The following CALHM1 variants were observed in gnomAD, a reference collection of about 807,000 sequenced individuals.
CALHM1 encodes the protein calcium homeostasis modulator protein 1.
Under a neutral mutation model 14.8 loss-of-function variants are expected in CALHM1, and 11 were observed. The observed-to-expected ratio is 0.74, with a 90% CI of 0.47 to 1.23. The LOEUF is 1.23. Ranked by LOEUF, CALHM1 falls within the 50% of genes most tolerant of loss-of-function variation. The pLI, the probability that CALHM1 is intolerant of heterozygous loss-of-function variation, is 0.00. For synonymous variants in CALHM1, 215 were observed against 218.9 expected (o/e 0.98, Z 0.16); for missense variants, 458 against 496.4 (o/e 0.92, Z 0.74).
In CALHM1 at chr10:103,458,303, G is replaced by A; in HGVS notation, c.449C>T (p.Pro150Leu). Residue 150 changes from proline to leucine, a missense_variant, in exon 1 of 2, where the codon CCC becomes CTC. Physicochemically the swap from Pro to Leu is moderately conservative, Grantham distance 98. Coordinates refer to ENST00000329905, the MANE Select transcript of CALHM1 (RefSeq NM_001001412.4). This position sits in a 1 kb window ranked among gnomAD's most constrained non-coding sequence, Gnocchi z 4.9. Reference protein sequence around the residue: ...NGSLAPGLPAPELARLLARVP... With the variant: ...NGSLAPGLPALELARLLARVP... The stretch of plus-strand genomic sequence containing the variant: ...CCGGGCCAGCAGGCGGGCGAGCTCG[G>A]GGGCAGGAAGGCCGGGTGCCAGGCT... The A allele has an allele frequency of 6.2e-7, 1 of 1,611,578 alleles. No homozygotes were observed. The highest frequency in any genetic ancestry group is 8.5e-7 in the Non-Finnish European group (1 of 1,179,336).
chr10:103,455,085 A>C lies in CALHM1; in HGVS notation c.*177T>G, dbSNP rs1168187483. ...GGGCAGTGTCACACCTGAAGGCATC[A>C]GATCCCCTTCCAGCTCCAAATTTCC... is the stretch of plus-strand genomic sequence containing the variant. On this transcript the variant is annotated 3_prime_UTR_variant, in exon 2 of 2. Transcript: ENST00000329905. The C allele has an allele frequency of 2.2e-6, 2 of 916,426 alleles. No individual in the cohort carries two copies. The highest frequency in any genetic ancestry group is 6.7e-4 in the Middle Eastern group (2 of 2,998). The allele number at this position is 916,426 out of a possible 1,614,324, so 56.8% of individuals were successfully genotyped here. A position where few individuals can be genotyped will look rare whatever the true frequency, so the allele number is the denominator to read the frequency against.
At position 103,458,296 on chromosome 10, in the gene CALHM1, G is replaced by T. The variant is rs1051066742; in HGVS notation, c.456C>A (p.Leu152=). 1.9e-6 allele frequency: 3 copies of T among 1,611,878 alleles called. No homozygotes were observed. Among genetic ancestry groups the T allele is most frequent in the Non-Finnish European group, 2.5e-6 (3 of 1,179,520 alleles). ...AGGGCACCCGGGCCAGCAGGCGGGC[G>T]AGCTCGGGGGCAGGAAGGCCGGGTG... ...SLAPGLPAPE[L]ARLLARVPCP... The change falls in exon 1 of 2, where the codon CTC becomes CTA. Residue 152 remains leucine, a synonymous_variant. Coordinates refer to ENST00000329905, the MANE Select transcript of CALHM1 (RefSeq NM_001001412.4). The surrounding 1 kb of genome is among the most constrained non-coding windows in gnomAD (Gnocchi z 4.9).
rs2033171859 is a variant in CALHM1, at chr10:103,458,129, G to C, written c.555+68C>G. 2.8e-5 allele frequency: 44 copies of C among 1,553,846 alleles called. No homozygotes were observed. The South Asian group carries it at 4.2e-4, about 15-fold the overall frequency. On this transcript the variant is annotated intron_variant, in intron 1 of 1. Coordinates refer to ENST00000329905, the MANE Select transcript of CALHM1 (RefSeq NM_001001412.4). This position sits in a 1 kb window ranked among gnomAD's most constrained non-coding sequence, Gnocchi z 4.9. The stretch of plus-strand genomic sequence containing the variant: ...GAGGCCCCATTTTGAGAGGTAGGGG[G>C]ATAGGGCCCTCCCAGAGGGACCTTG...
rs2033173871 is a variant in CALHM1 at position 103,458,204 on chromosome 10, A to G, written c.548T>C (p.Ile183Thr). The G allele has an allele frequency of 1.2e-6, 2 of 1,612,592 alleles. No individual in the cohort carries two copies. The highest frequency in any genetic ancestry group is 2.7e-5 in the African/African-American group (2 of 75,034). ...AGCCATGCGGCCCCTCACCTGGGAG[A>G]TGCAGCGGAGGTAACGCACGGCCAC... is the stretch of plus-strand genomic sequence containing the variant. ...REVAVRYLRC[I>T]SQALGWSFVL... Residue 183 changes from isoleucine to threonine, a missense_variant, in exon 1 of 2, where the codon ATC becomes ACC. By Grantham distance (89) the Ile-to-Thr change is moderately conservative (BLOSUM62 -1). Coordinates refer to ENST00000329905, the MANE Select transcript of CALHM1 (RefSeq NM_001001412.4). This position sits in a 1 kb window ranked among gnomAD's most constrained non-coding sequence, Gnocchi z 4.9.
rs2033096725 is a variant in CALHM1 at position 103,453,581 on chromosome 10, A to G, written c.*1681T>C. 1 of 151,986 alleles carries G rather than the reference A, an allele frequency of 6.6e-6. No homozygotes were observed. The highest frequency in any genetic ancestry group is 2.1e-4 in the South Asian group (1 of 4,814). 9.4% of individuals were successfully genotyped at this position (151,986 alleles called of 1,614,324 possible). ...TGGCCAAGCAGGTCTTCTAATATCCATTTTATAGACAGACACACTGAGGCT... is the reference window on the plus strand; with the variant it reads ...TGGCCAAGCAGGTCTTCTAATATCCGTTTTATAGACAGACACACTGAGGCT... On this transcript the variant is annotated 3_prime_UTR_variant, in exon 2 of 2. Coordinates refer to ENST00000329905, the MANE Select transcript of CALHM1 (RefSeq NM_001001412.4).
chr10:103,455,224 C>A lies in CALHM1; in HGVS notation c.*38G>T. 6.5e-7 allele frequency: 1 copy of A among 1,529,652 alleles called. No individual in the cohort carries two copies. The highest frequency in any genetic ancestry group is 8.8e-7 in the Non-Finnish European group (1 of 1,136,854). The allele number at this position is 1,529,652 out of a possible 1,614,324, so 94.8% of individuals were successfully genotyped here. On this transcript the variant is annotated 3_prime_UTR_variant, in exon 2 of 2. Transcript: ENST00000329905. ...GTTTGGGGGTTGGAGGGGCTGTGGG[C>A]TCAGATCCCCGTTCCTGCCTCTTCA...
In CALHM1 at chr10:103,455,128, C is replaced by T. The variant is rs1179611378; in HGVS notation, c.*134G>A. On this transcript the variant is annotated 3_prime_UTR_variant, in exon 2 of 2. Transcript: ENST00000329905. ...AAATTTCCTGCCTCCAATGGGCAGG[C>T]GAGTGCTAGGGAGTGTGGATCTGCC... 1.2e-5 allele frequency: 16 copies of T among 1,305,092 alleles called. No homozygotes were observed. The highest frequency in any genetic ancestry group is 7.5e-5 in the African/African-American group (5 of 67,014). The allele number at this position is 1,305,092 out of a possible 1,614,324, so 80.8% of individuals were successfully genotyped here.
In CALHM1 at chr10:103,458,497, C is replaced by A. The variant is rs4918016; in HGVS notation, c.255G>T (p.Pro85=). 4 of 1,612,756 alleles carry A rather than the reference C, an allele frequency of 2.5e-6. No homozygotes were observed. Among genetic ancestry groups the A allele is most frequent in the Non-Finnish European group, 3.4e-6 (4 of 1,179,864 alleles). The change falls in exon 1 of 2, where the codon CCG becomes CCT. Residue 85 remains proline, a synonymous_variant. Transcript: ENST00000329905. The surrounding 1 kb of genome is among the most constrained non-coding windows in gnomAD (Gnocchi z 4.9). The part of the protein sequence containing the change: ...VSMLAEEWKR[P]LGRRAKDPAV... ...CGGGGTCCTTGGCCCGGCGGCCCAG[C>A]GGCCGCTTCCACTCTTCGGCCAGCA...
At chr10:103,456,068 G>C (rs112631111) in intron 1 of CALHM1, among the ~76,000 whole-genome samples, 2 of 152,222 alleles carry the variant, frequency 1.3e-5, no homozygotes, top group African/African-American at 4.8e-5. Context: ...CTATTTACTA[G>C]TTGACCAGGA....
At position 103,458,284 on chromosome 10, in the gene CALHM1, C is replaced by T. The variant is rs2033175826; in HGVS notation, c.468G>A (p.Leu156=). 1 of 1,612,356 alleles carries T rather than the reference C, an allele frequency of 6.2e-7. No homozygotes were observed. The highest frequency in any genetic ancestry group is 8.5e-7 in the Non-Finnish European group (1 of 1,179,724). ...AGATCTCAGGGCAGGGCACCCGGGC[C>T]AGCAGGCGGGCGAGCTCGGGGGCAG... ...GLPAPELARL[L]ARVPCPEIYD... The change falls in exon 1 of 2, where the codon CTG becomes CTA. Residue 156 remains leucine (L), a synonymous_variant. Coordinates refer to ENST00000329905, the MANE Select transcript of CALHM1 (RefSeq NM_001001412.4). The surrounding 1 kb of genome is among the most constrained non-coding windows in gnomAD (Gnocchi z 4.9).
At chr10:103,455,942 C>T (rs1275114052) in intron 1 of CALHM1, among the ~76,000 whole-genome samples, 195 bp from the exon 2 acceptor site, 2 of 152,234 alleles carry the variant, frequency 1.3e-5, no homozygotes, top group Non-Finnish European at 2.9e-5. Context: ...AGGTGCACCT[C>T]ATGGAAAGAA....
chr10:103,458,457 T>C lies in CALHM1; in HGVS notation c.295A>G (p.Met99Val), dbSNP rs1293748079. ...GCGCGCTGGGCCATGGAGCAGAACA[T>C]GTAGCGCAACACAGCGGGGTCCTTG... The part of the protein sequence containing the change: ...RAKDPAVLRY[M>V]FCSMAQRALI... Residue 99 changes from methionine (M) to valine (V), a missense_variant, in exon 1 of 2, where the codon ATG becomes GTG. Transcript: ENST00000329905. The surrounding 1 kb of genome is among the most constrained non-coding windows in gnomAD (Gnocchi z 4.9). 1.2e-6 allele frequency: 2 copies of C among 1,612,870 alleles called. No individual in the cohort carries two copies. The highest frequency in any genetic ancestry group is 2.2e-5 in the East Asian group (1 of 44,866).
Position 103,455,387 on chromosome 10 carries a change from A to G in CALHM1, c.916T>C (p.Trp306Arg). The change falls in exon 2 of 2, where the codon TGG becomes CGG. Residue 306 changes from tryptophan to arginine, a missense_variant. By Grantham distance (101) the Trp-to-Arg change is moderately radical. Transcript: ENST00000329905. ...CGCAGAGGCGGTTTGCATTTGTGCC[A>G]GCTCGTGAGCAGCCTGTTCATGGTG... ...QGTMNRLLTS[W>R]HKCKPPLRLG... 1 of 1,613,956 alleles carries G rather than the reference A, an allele frequency of 6.2e-7. No homozygotes were observed. Among genetic ancestry groups the G allele is most frequent in the South Asian group, 1.1e-5 (1 of 91,088 alleles).
Position 103,458,800 on chromosome 10 carries a change from A to G in CALHM1, c.-49T>C, listed in dbSNP as rs762097439. On this transcript the variant is annotated 5_prime_UTR_variant, in exon 1 of 2. Transcript: ENST00000329905. The surrounding 1 kb of genome is among the most constrained non-coding windows in gnomAD (Gnocchi z 4.9). ...TCTTCCCAACTCACTGCTGCCTCCA[A>G]GAGGGCCCCTGCTGCCCACCCTGCC... 2 of 1,539,230 alleles carry G rather than the reference A, an allele frequency of 1.3e-6. No individual in the cohort carries two copies. Among genetic ancestry groups the G allele is most frequent in the Admixed American group, 1.9e-5 (1 of 53,544 alleles).
intron 1 of CALHM1, among the ~76,000 whole-genome samples, chr10:103,456,292 C>T (rs1318963151): frequency 6.6e-6 from 1 of 152,210 alleles, no homozygotes; most frequent in Non-Finnish European, 1.5e-5. Flanking sequence ...TCCTTGATCT[C>T]CCCAGGCCAT....
chr10:103,458,189 C>A lies in CALHM1; in HGVS notation c.555+8G>T. The A allele has an allele frequency of 6.2e-7, 1 of 1,611,950 alleles. No homozygotes were observed. The highest frequency in any genetic ancestry group is 8.5e-7 in the Non-Finnish European group (1 of 1,179,650). On this transcript the variant is annotated splice_region_variant and intron_variant, in intron 1 of 1. Coordinates refer to ENST00000329905, the MANE Select transcript of CALHM1 (RefSeq NM_001001412.4). This position sits in a 1 kb window ranked among gnomAD's most constrained non-coding sequence, Gnocchi z 4.9. Reference sequence around the variant, plus strand: ...GGAGACCCAGCGTGAAGCCATGCGGCCCCTCACCTGGGAGATGCAGCGGAG... The same window carrying A: ...GGAGACCCAGCGTGAAGCCATGCGGACCCTCACCTGGGAGATGCAGCGGAG...
chr10:103,456,707 G>C (rs1400360054), intron 1 of CALHM1, among the ~76,000 whole-genome samples: 1 of 152,230 alleles, frequency 6.6e-6, no homozygotes, highest in Non-Finnish European at 1.5e-5. Flanking sequence ...GAGTACACGC[G>C]GGCCTGGTGG....
At chr10:103,455,849 G>T in intron 1 of CALHM1, 102 bp from the exon 2 acceptor site, 1 of 1,411,072 alleles carries the variant, frequency 7.1e-7, no homozygotes, top group Non-Finnish European at 9.4e-7. Flanking sequence ...AGGGCAAAGA[G>T]CACAAATTGG....
At position 103,458,182 on chromosome 10, in the gene CALHM1, C is replaced by T. The variant is rs1564791693; in HGVS notation, c.555+15G>A. On this transcript the variant is annotated intron_variant, in intron 1 of 1. Coordinates refer to ENST00000329905, the MANE Select transcript of CALHM1 (RefSeq NM_001001412.4). The surrounding 1 kb of genome is among the most constrained non-coding windows in gnomAD (Gnocchi z 4.9). ...CTGCCAGGGAGACCCAGCGTGAAGC[C>T]ATGCGGCCCCTCACCTGGGAGATGC... 1 of 1,611,506 alleles carries T rather than the reference C, an allele frequency of 6.2e-7. No homozygotes were observed. The highest frequency in any genetic ancestry group is 2.2e-5 in the East Asian group (1 of 44,882).
Sources: allele counts gnomAD v4.1 joint callset (sites outside exome capture counted in the v4.1 genomes callset), GRCh38; gene constraint gnomAD v4.1.1; non-coding constraint Gnocchi (gnomAD v3.1); transcripts MANE v1.5; gene names NCBI Gene and HGNC (gene_info 2026-07-23, HGNC 2026-07-21).